The following PCDHGA3 variants were observed in gnomAD, a reference collection of about 807,000 sequenced individuals.
The protein encoded by PCDHGA3 is protocadherin gamma-A3.
PCDHGA3 carries 40 observed loss-of-function variants against 58.5 expected under a neutral mutation model. That is an observed-to-expected ratio of 0.68 (90% CI 0.53 to 0.89). The LOEUF (loss-of-function observed/expected upper bound fraction) is 0.89. Ranked by LOEUF, PCDHGA3 falls within the 40% of genes least tolerant of loss-of-function variation. The pLI is 0.00. For synonymous variants in PCDHGA3, 530 were observed against 525.7 expected (o/e 1.01, Z -0.11); for missense variants, 1,223 against 1,195.9 (o/e 1.02, Z -0.33).
chr5:141,421,901 G>C (rs754277661), intron 1 of PCDHGA3: 1 of 1,613,724 alleles, frequency 6.2e-7, no homozygotes, highest in East Asian at 2.2e-5. Flanking sequence ...ATCCGAAAGG[G>C]CGCAGTTCCC....
chr5:141,399,794 C>G, intron 1 of PCDHGA3: 1 of 1,613,268 alleles, frequency 6.2e-7, no homozygotes, highest in South Asian at 1.1e-5. Flanking sequence ...GACAACGCAC[C>G]GCGGGTGCTG....
chr5:141,463,438 C>CTTTTTTTT (rs71576115), intron 1 of PCDHGA3, among the ~76,000 whole-genome samples: 3 of 103,252 alleles, frequency 2.9e-5, no homozygotes, highest in African/African-American at 8.9e-5. Context: ...TTTCCTTCTC[C>CTTTTTTTT]TTTTTTTTTT....
intron 1 of PCDHGA3, chr5:141,478,670 C>G: frequency 6.4e-7 from 1 of 1,551,664 alleles, no homozygotes; most frequent in East Asian, 2.4e-5. Flanking sequence ...TTCACACTTT[C>G]AACTGGCCCT....
intron 1 of PCDHGA3, among the ~76,000 whole-genome samples, chr5:141,482,056 G>A (rs1271837619): frequency 1.3e-5 from 2 of 149,012 alleles, no homozygotes; most frequent in Non-Finnish European, 3.0e-5. Context: ...TTGCATTCCA[G>A]CCTGGGCAAC....
At chr5:141,427,450 CT>C in intron 1 of PCDHGA3, 1 of 486,442 alleles carries the variant, frequency 2.1e-6, no homozygotes, top group South Asian at 1.5e-5. Flanking sequence ...GAAAGAGTTC[CT>C]TTTAGAATCG....
intron 1 of PCDHGA3, among the ~76,000 whole-genome samples, chr5:141,451,329 A>G (rs991467686): frequency 2.6e-5 from 4 of 152,196 alleles, no homozygotes; most frequent in African/African-American, 9.6e-5. Context: ...ACCTAAGGCT[A>G]TTGTCTTATC....
rs779292483 is a variant in PCDHGA3 at position 141,491,102 on chromosome 5, T to C, written c.2425-3705T>C. The C allele has an allele frequency of 6.2e-7, 1 of 1,614,152 alleles. No individual in the cohort carries two copies. Among genetic ancestry groups the C allele is most frequent in the Non-Finnish European group, 8.5e-7 (1 of 1,180,006 alleles). ...TCCACAGCCCCAGGACTGTTCCTCG[T>C]GTCTACACACACTGGTGAGGTGCGC... On this transcript the variant is annotated intron_variant, in intron 1 of 3. Transcript: ENST00000253812. This position sits in a 1 kb window ranked among gnomAD's most constrained non-coding sequence, Gnocchi z 6.9.
At position 141,387,650 on chromosome 5, in the gene PCDHGA3, G is replaced by C. The variant is rs116225244; in HGVS notation, c.2424+41193G>C. 2,320 of 639,876 alleles carry C rather than the reference G, an allele frequency of 3.6e-3. 38 individuals are homozygous for C. The highest frequency in any genetic ancestry group is 0.034 in the African/African-American group (1,854 of 54,556). 39.6% of individuals were successfully genotyped at this position (639,876 alleles called of 1,614,324 possible). A position where few individuals can be genotyped will look rare whatever the true frequency, so the allele number is the denominator to read the frequency against. Reference sequence around the variant, plus strand: ...CTGGGCGCCGCTGTTGGCCAAAGTGGAGAGCTTGGCGCTCCAGATCTCCTC... The same window carrying C: ...CTGGGCGCCGCTGTTGGCCAAAGTGCAGAGCTTGGCGCTCCAGATCTCCTC... On this transcript the variant is annotated intron_variant, in intron 1 of 3. Coordinates refer to ENST00000253812, the MANE Select transcript of PCDHGA3 (RefSeq NM_018916.4).
chr5:141,357,443 C>CT, intron 1 of PCDHGA3: 1 of 1,614,222 alleles, frequency 6.2e-7, no homozygotes, highest in South Asian at 1.1e-5. Context: ...GGGGTTCGGG[C>CT]TTTCCTGCAG....
chr5:141,419,769 C>G (rs773303779), intron 1 of PCDHGA3: 3 of 1,613,888 alleles, frequency 1.9e-6, no homozygotes, highest in Non-Finnish European at 2.5e-6. Context: ...GACAAGGACT[C>G]GGTCCGCCAG....
Position 141,489,471 on chromosome 5 carries a change from G to A in PCDHGA3, c.2425-5336G>A. ...AGGAGAATGGGCGCTATTTTTCCCT[G>A]AGCTTGATGAGTGGTGCCCTGGCAG... On this transcript the variant is annotated intron_variant, in intron 1 of 3. Transcript: ENST00000253812. This position sits in a 1 kb window ranked among gnomAD's most constrained non-coding sequence, Gnocchi z 4.5. 1 of 1,614,074 alleles carries A rather than the reference G, an allele frequency of 6.2e-7. No homozygotes were observed. The highest frequency in any genetic ancestry group is 8.5e-7 in the Non-Finnish European group (1 of 1,180,026).
chr5:141,450,734 G>A (rs1365470415), intron 1 of PCDHGA3, among the ~76,000 whole-genome samples: 6 of 151,868 alleles, frequency 4.0e-5, no homozygotes, highest in South Asian at 2.1e-4. Context: ...TGATCCGCCC[G>A]CCTTGGCCTC....
intron 1 of PCDHGA3, among the ~76,000 whole-genome samples, chr5:141,453,121 G>A (rs62379169): frequency 4.7e-4 from 71 of 151,818 alleles, no homozygotes; most frequent in Non-Finnish European, 8.4e-4. Flanking sequence ...GTTTTGTTTT[G>A]TTTTGTTTTT....
Position 141,344,301 on chromosome 5 carries a change from A to G in PCDHGA3, c.268A>G (p.Ile90Val), listed in dbSNP as rs1757399190. 8.7e-6 allele frequency: 14 copies of G among 1,614,106 alleles called. No individual in the cohort carries two copies. Among genetic ancestry groups the G allele is most frequent in the Non-Finnish European group, 1.0e-5 (12 of 1,179,938 alleles). ...QSGSLVTAER[I>V]DREELCAQIP... ...CGGCAGCTTGGTCACCGCGGAGAGG[A>G]TAGACCGGGAGGAGCTCTGCGCTCA... Residue 90 changes from isoleucine (I) to valine (V), a missense_variant, in exon 1 of 4, where the codon ATA (isoleucine) becomes GTA (valine). Ile to Val is a conservative substitution (Grantham distance 29). Around this residue, in one of 3 missense-constraint regions of PCDHGA3, gnomAD observed 791 missense variants for 708.5 expected, o/e 1.12. Transcript: ENST00000253812.
intron 1 of PCDHGA3, chr5:141,384,604 A>G (rs762562769): frequency 3.1e-6 from 5 of 1,613,896 alleles, no homozygotes; most frequent in South Asian, 2.2e-5. Context: ...GGCCCTCCCC[A>G]CAGATGGTTC....
intron 1 of PCDHGA3, among the ~76,000 whole-genome samples, chr5:141,380,913 T>C (rs1776852594): frequency 6.6e-6 from 1 of 152,242 alleles, no homozygotes; most frequent in African/African-American, 2.4e-5. Flanking sequence ...AGTGCTTACA[T>C]TGTTTAATAA....
chr5:141,352,952 C>A (rs1759151457), intron 1 of PCDHGA3, among the ~76,000 whole-genome samples: 1 of 152,140 alleles, frequency 6.6e-6, no homozygotes, highest in Non-Finnish European at 1.5e-5. Flanking sequence ...TGTGCCACTG[C>A]ACTCCAGCCT....
intron 1 of PCDHGA3, chr5:141,427,815 G>A: frequency 6.5e-7 from 1 of 1,527,760 alleles, no homozygotes; most frequent in Non-Finnish European, 9.0e-7. Context: ...ACAGAGCGGG[G>A]TGGTGGTCGC....
At position 141,421,588 on chromosome 5, in the gene PCDHGA3, G is replaced by C; in HGVS notation, c.2425-73219G>C. 3 of 1,613,910 alleles carry C rather than the reference G, an allele frequency of 1.9e-6. No homozygotes were observed. The South Asian group carries it at 3.3e-5, about 18-fold the overall frequency. ...AGACACCTTGAAGATTTACGGAGTGGAGGTGGAAATAATAGATATTAATGA... is the reference window on the plus strand; with the variant it reads ...AGACACCTTGAAGATTTACGGAGTGCAGGTGGAAATAATAGATATTAATGA... On this transcript the variant is annotated intron_variant, in intron 1 of 3. Coordinates refer to ENST00000253812, the MANE Select transcript of PCDHGA3 (RefSeq NM_018916.4).
Sources: allele counts gnomAD v4.1 joint callset (sites outside exome capture counted in the v4.1 genomes callset), GRCh38; gene constraint gnomAD v4.1.1; regional missense constraint gnomAD v4.1.1; non-coding constraint Gnocchi (gnomAD v3.1); transcripts MANE v1.5; gene names NCBI Gene and HGNC (gene_info 2026-07-23, HGNC 2026-07-21).